Variants in AIFM3 observed in about 807,000 individuals in gnomAD.
The protein encoded by AIFM3 is AIF family member 3, also known as apoptosis-inducing factor 3.
AIFM3 carries 71 observed loss-of-function variants against 82.7 expected under a neutral mutation model. That is an observed-to-expected ratio of 0.86 (90% CI 0.71 to 1.05). The LOEUF (loss-of-function observed/expected upper bound fraction) is 1.05. Among genes scored for constraint, AIFM3 ranks in the 50% least tolerant of loss-of-function variants. The pLI, the probability that AIFM3 is intolerant of heterozygous loss-of-function variation, is 0.00. For missense variants in AIFM3, 748 were observed against 816.7 expected, an observed-to-expected ratio of 0.92 and a Z score of 1.03; for synonymous variants, 337 against 329.1, an observed-to-expected ratio of 1.02 and a Z score of -0.26.
chr22:20,968,629 A>C (rs1156642449), intron 2 of AIFM3, among the ~76,000 whole-genome samples: 3 of 152,032 alleles, frequency 2.0e-5, no homozygotes, highest in Admixed American at 6.6e-5. Context: ...TCTCCACTAA[A>C]GACTCATGTC....
chr22:20,966,218 C>T (rs1922883467), upstream of AIFM3, among the ~76,000 whole-genome samples: 1 of 152,112 alleles, frequency 6.6e-6, no homozygotes, highest in Non-Finnish European at 1.5e-5. Flanking sequence ...CAGGTGAGGC[C>T]TGAGGTCAGC....
In AIFM3 at chr22:20,981,284, A is replaced by C; in HGVS notation, c.*253A>C. On this transcript the variant is annotated 3_prime_UTR_variant, in exon 21 of 21. Coordinates refer to ENST00000440238, the MANE Select transcript of AIFM3 (RefSeq NM_001386814.1). ...GACAAGCCCTGCCTCTTCTCCCTCT[A>C]TTGGGACTGGTCCCCTGAAGAACCC... is the stretch of plus-strand genomic sequence containing the variant. The C allele has an allele frequency of 3.6e-6, 2 of 556,452 alleles. No individual in the cohort carries two copies. The highest frequency in any genetic ancestry group is 6.5e-6 in the Non-Finnish European group (2 of 308,346). 34.5% of individuals were successfully genotyped at this position (556,452 alleles called of 1,614,324 possible).
At chr22:20,972,359 A>C (rs1355012312) in intron 2 of AIFM3, among the ~76,000 whole-genome samples, 1 of 150,424 alleles carries the variant, frequency 6.6e-6, no homozygotes, top group East Asian at 2.0e-4. Context: ...CCAAGATCGC[A>C]CCATTGCACT....
rs56199944 is a variant in AIFM3 at position 20,977,670 on chromosome 22, G to A, written c.1283-30G>A. 10,132 of 1,613,708 alleles carry A rather than the reference G, an allele frequency of 6.3e-3. 49 individuals are homozygous for A. The highest frequency in any genetic ancestry group is 7.4e-3 in the Non-Finnish European group (8,685 of 1,179,664). On this transcript the variant is annotated intron_variant, in intron 14 of 20. Coordinates refer to ENST00000440238, the MANE Select transcript of AIFM3 (RefSeq NM_001386814.1). ...GTGACTACGCAGAAGGCAGGGACAGGGGAGTGGACACAGGCTTCCGTCCTG... is the reference window on the plus strand; with the variant it reads ...GTGACTACGCAGAAGGCAGGGACAGAGGAGTGGACACAGGCTTCCGTCCTG...
Position 20,975,561 on chromosome 22 carries a change from C to A in AIFM3, c.721-131C>A, listed in dbSNP as rs779592757. On this transcript the variant is annotated intron_variant, in intron 8 of 20. Transcript: ENST00000440238. ...TTGGGATCACAGGCATGAGTCACTGCGCCTGGCCAGATCTGGGTTTGCTGA... is the reference window on the plus strand; with the variant it reads ...TTGGGATCACAGGCATGAGTCACTGAGCCTGGCCAGATCTGGGTTTGCTGA... 53 of 810,796 alleles carry A rather than the reference C, an allele frequency of 6.5e-5. No individual in the cohort carries two copies. In the East Asian group the frequency reaches 1.2e-3, roughly 19 times the overall value. 50.2% of individuals were successfully genotyped at this position (810,796 alleles called of 1,614,324 possible). A position where few individuals can be genotyped will look rare whatever the true frequency, so the allele number is the denominator to read the frequency against.
chr22:20,977,549 T>A, intron 14 of AIFM3, 151 bp from the exon 15 acceptor site: 1 of 861,244 alleles, frequency 1.2e-6, no homozygotes. Flanking sequence ...GGAGACCGGG[T>A]AGTGGGGACC....
rs1271566356 is a variant in AIFM3 at position 20,973,211 on chromosome 22, C to T, written c.32-96C>T. 8 of 1,434,474 alleles carry T rather than the reference C, an allele frequency of 5.6e-6. No individual in the cohort carries two copies. In the East Asian group the frequency reaches 2.0e-4, roughly 36 times the overall value. The allele number at this position is 1,434,474 out of a possible 1,614,324, so 88.9% of individuals were successfully genotyped here. A position where few individuals can be genotyped will look rare whatever the true frequency, so the allele number is the denominator to read the frequency against. ...GAGGTTGCCAGGCAGGGCTGAGCCT[C>T]CTGGCACCCCGAGGAGCTGGCCTCT... On this transcript the variant is annotated intron_variant, in intron 2 of 20. Coordinates refer to ENST00000440238, the MANE Select transcript of AIFM3 (RefSeq NM_001386814.1).
intron 14 of AIFM3, 84 bp from the exon 15 acceptor site, chr22:20,977,616 C>T: frequency 1.3e-6 from 2 of 1,551,864 alleles, no homozygotes; most frequent in South Asian, 2.2e-5. Context: ...GGGGCTGGCA[C>T]ATCAAGCGCA....
At chr22:20,976,358 G>A in intron 10 of AIFM3, 50 bp from the exon 11 acceptor site, 1 of 1,613,674 alleles carries the variant, frequency 6.2e-7, no homozygotes, top group Non-Finnish European at 8.5e-7. Flanking sequence ...CACTGGCCTG[G>A]ACGGGGCTGG....
Position 20,974,076 on chromosome 22 carries a change from T to A in AIFM3, c.369T>A (p.Arg123=). ...TCCCCTTCCCAGGCGTTCTGTCCCG[T>A]GGTCGGGTGCGCTGCCCCTGGCACG... ...GAPLVKGVLS[R]GRVRCPWHGA... The change falls in exon 5 of 21, where the codon CGT becomes CGA. Residue 123 remains arginine, a synonymous_variant. Transcript: ENST00000440238. 1 of 1,609,796 alleles carries A rather than the reference T, an allele frequency of 6.2e-7. No homozygotes were observed. The highest frequency in any genetic ancestry group is 1.1e-5 in the South Asian group (1 of 90,420).
intron 2 of AIFM3, 81 bp from the exon 3 acceptor site, chr22:20,973,226 A>T: frequency 6.7e-7 from 1 of 1,495,542 alleles, no homozygotes; most frequent in Non-Finnish European, 9.1e-7. Flanking sequence ...CACCCCGAGG[A>T]GCTGGCCTCT....
chr22:20,973,560 C>T, intron 3 of AIFM3, 40 bp downstream of exon 3: 1 of 1,582,286 alleles, frequency 6.3e-7, no homozygotes, highest in South Asian at 1.1e-5. Flanking sequence ...ATCAGGGGTC[C>T]CAAGGTGGGA....
At chr22:20,979,246 G>A in intron 16 of AIFM3, 25 bp from the exon 17 acceptor site, 1 of 1,551,496 alleles carries the variant, frequency 6.4e-7, no homozygotes, top group Non-Finnish European at 8.7e-7. Flanking sequence ...GAGAGTTAGG[G>A]TTCTCACGGC....
At chr22:20,975,851 G>A in intron 9 of AIFM3, 73 bp downstream of exon 9, 3 of 1,539,634 alleles carry the variant, frequency 1.9e-6, no homozygotes, top group East Asian at 4.5e-5. Flanking sequence ...GGCCCCTGGG[G>A]TGGGGTCTTG....
In AIFM3 at chr22:20,967,751, G is replaced by A. The variant is rs1922989897; in HGVS notation, c.-140-54G>A. 2.1e-5 allele frequency: 13 copies of A among 611,734 alleles called. No individual in the cohort carries two copies. In the South Asian group the frequency reaches 2.3e-4, roughly 11 times the overall value. The allele number at this position is 611,734 out of a possible 1,614,324, so 37.9% of individuals were successfully genotyped here. ...TCCCACTGTCTCTCTCCGTCCCTCT[G>A]TGTCTCTACCTGCCCACACGCCCCG... On this transcript the variant is annotated intron_variant, in intron 1 of 20. Coordinates refer to ENST00000440238, the MANE Select transcript of AIFM3 (RefSeq NM_001386814.1).
intron 14 of AIFM3, 139 bp downstream of exon 14, chr22:20,977,234 C>A: frequency 8.2e-7 from 1 of 1,216,628 alleles, no homozygotes; most frequent in Non-Finnish European, 1.2e-6. Context: ...CCAACCGCCC[C>A]CACTTTACGG....
Position 20,967,891 on chromosome 22 carries a change from C to T in AIFM3, c.-54C>T, listed in dbSNP as rs896796446. ...GCCCCATGGGGGGCGCCCTAGGCCTCCGACAGCTCCCCATCTGTGCTCCTG... is the reference window on the plus strand; with the variant it reads ...GCCCCATGGGGGGCGCCCTAGGCCTTCGACAGCTCCCCATCTGTGCTCCTG... On this transcript the variant is annotated 5_prime_UTR_variant, in exon 2 of 21. Coordinates refer to ENST00000440238, the MANE Select transcript of AIFM3 (RefSeq NM_001386814.1). 1 of 1,611,990 alleles carries T rather than the reference C, an allele frequency of 6.2e-7. No homozygotes were observed. Among genetic ancestry groups the T allele is most frequent in the Non-Finnish European group, 8.5e-7 (1 of 1,178,284 alleles).
At chr22:20,979,531 A>G in intron 17 of AIFM3, 96 bp from the exon 18 acceptor site, 2 of 1,513,640 alleles carry the variant, frequency 1.3e-6, no homozygotes, top group Middle Eastern at 2.1e-4. Flanking sequence ...AAAAGGACGT[A>G]TGGAGCAGGG....
At chr22:20,968,576 G>A (rs971220197) in intron 2 of AIFM3, among the ~76,000 whole-genome samples, 26 of 152,246 alleles carry the variant, frequency 1.7e-4, no homozygotes, top group African/African-American at 6.3e-4. Context: ...ACTCCAGCCA[G>A]AAGTGGGAGT....
Sources: gnomAD v4.1 joint callset for allele counts (sites outside exome capture counted in the v4.1 genomes callset) on GRCh38, gnomAD v4.1.1 for gene constraint, MANE v1.5 for transcripts, NCBI Gene and HGNC (gene_info 2026-07-23, HGNC 2026-07-21) for gene names.